The following BRAT1 variants were observed in gnomAD, a reference collection of about 807,000 sequenced individuals.
BRAT1 encodes the protein integrator complex assembly factor BRAT1.
Under a neutral mutation model 70.6 loss-of-function variants are expected in BRAT1, and 74 were observed. That is an observed-to-expected ratio of 1.05 (90% CI 0.87 to 1.27). BRAT1 has a LOEUF of 1.27. Ranked by LOEUF, BRAT1 falls within the 50% of genes most tolerant of loss-of-function variation. The probability of loss-of-function intolerance (pLI) is 0.00; values close to 1 mark genes in which losing one functional copy is unlikely to be tolerated. For synonymous variants in BRAT1, 615 were observed against 517.1 expected, an observed-to-expected ratio of 1.19 and a Z score of -2.57; for missense variants, 1,203 against 1,098.2, an observed-to-expected ratio of 1.10 and a Z score of -1.35.
chr7:2,543,758 G>A lies in BRAT1; in HGVS notation c.635C>T (p.Pro212Leu). 1 of 1,606,556 alleles carries A rather than the reference G, an allele frequency of 6.2e-7. No individual in the cohort carries two copies. The highest frequency in any genetic ancestry group is 8.5e-7 in the Non-Finnish European group (1 of 1,174,790). ...VEESLCSAAT[P>L]KVTQALNVLT... ...GACGTTCAGGGCCTGAGTGACCTTG[G>A]GGGTGGCCGCGGAGCACAAGGACTC... The change falls in exon 5 of 14, where the codon CCC (proline) becomes CTC (leucine). Residue 212 changes from proline (P) to leucine (L), a missense_variant. Coordinates refer to ENST00000340611, the MANE Select transcript of BRAT1 (RefSeq NM_152743.4). The surrounding 1 kb of genome is among the most constrained non-coding windows in gnomAD (Gnocchi z 5.5).
At position 2,545,005 on chromosome 7, in the gene BRAT1, C is replaced by T. The variant is rs1779493706; in HGVS notation, c.334G>A (p.Ala112Thr). Residue 112 changes from alanine to threonine, a missense_variant, in exon 4 of 14, where the codon GCA becomes ACA. Physicochemically the swap from Ala to Thr is moderately conservative, Grantham distance 58. Transcript: ENST00000340611. ...CGCACGGTGGGGACGGCCCAGGTTGCTCGGCCGAGGGGTCCTGGCTCCCCA... is the reference window on the plus strand; with the variant it reads ...CGCACGGTGGGGACGGCCCAGGTTGTTCGGCCGAGGGGTCCTGGCTCCCCA... ...LFGEPGPLGR[A>T]TWAVPTVRSG... The T allele has an allele frequency of 3.9e-6, 6 of 1,553,782 alleles. No homozygotes were observed. The highest frequency in any genetic ancestry group is 4.4e-6 in the Non-Finnish European group (5 of 1,148,424).
At chr7:2,550,827 G>A (rs780984058) in intron 2 of BRAT1, among the ~76,000 whole-genome samples, 1 of 152,154 alleles carries the variant, frequency 6.6e-6, no homozygotes, top group South Asian at 2.1e-4. Flanking sequence ...ACTAAGAACT[G>A]TTGAATTGGT....
Position 2,538,339 on chromosome 7 carries a change from G to C in BRAT1, c.2196C>G (p.Ser732=). The C allele has an allele frequency of 1.2e-6, 2 of 1,613,216 alleles. No individual in the cohort carries two copies. The highest frequency in any genetic ancestry group is 1.3e-5 in the African/African-American group (1 of 75,042). The change falls in exon 14 of 14, where the codon TCC becomes TCG. Residue 732 remains serine (S), a synonymous_variant. Coordinates refer to ENST00000340611, the MANE Select transcript of BRAT1 (RefSeq NM_152743.4). ...CCCTGGCCTCCCGCAGGCTGCTGTA[G>C]GAAGCAATCTTGTCCCTCAGGAAGA... is the stretch of plus-strand genomic sequence containing the variant. The part of the protein sequence containing the change: ...LLLFLRDKIA[S]YSSLREARGS...
rs767664883 is a variant in BRAT1, at chr7:2,538,655, G to A, written c.1880C>T (p.Ala627Val). ...TEWLRDGHAD[A>V]AQDTEQFVAT... ...CACGAACTGCTCCGTGTCCTGGGCC[G>A]CGTCGGCGTGGCCGTCCCGCAGCCA... The change falls in exon 14 of 14, where the codon GCG becomes GTG. Residue 627 changes from alanine (A) to valine (V), a missense_variant. Transcript: ENST00000340611. The A allele has an allele frequency of 3.1e-5, 49 of 1,598,184 alleles. No homozygotes were observed. The highest frequency in any genetic ancestry group is 6.7e-5 in the East Asian group (3 of 44,868).
At chr7:2,554,648 C>T (rs1312348534) in intron 1 of BRAT1, among the ~76,000 whole-genome samples, 1 of 152,192 alleles carries the variant, frequency 6.6e-6, no homozygotes, top group African/African-American at 2.4e-5. Context: ...GGGCCCTGAG[C>T]GCTGGTGGCG....
intron 13 of BRAT1, 106 bp downstream of exon 13, chr7:2,539,047 CACTGCTGCAGGCGCTGCCCACAGCAG>C: frequency 6.9e-7 from 1 of 1,453,842 alleles, no homozygotes; most frequent in Non-Finnish European, 9.1e-7. Flanking sequence ...CCTCGGCAGT[CACTGCTGCAGGCGCTGCCCACAGCAG>C]CAGCTGCTCC....
intron 2 of BRAT1, among the ~76,000 whole-genome samples, chr7:2,552,613 A>C (rs544091495): frequency 1.3e-5 from 2 of 152,264 alleles, no homozygotes; most frequent in South Asian, 4.1e-4. Context: ...AGAACACGGT[A>C]AACCAAAAAA....
chr7:2,546,410 C>A (rs116527133), intron 3 of BRAT1, among the ~76,000 whole-genome samples: 2 of 150,266 alleles, frequency 1.3e-5, no homozygotes. Context: ...CCAGCCTGGA[C>A]GACAGAGCAG....
At position 2,539,167 on chromosome 7, in the gene BRAT1, G is replaced by A. The variant is rs2128385821; in HGVS notation, c.1770+12C>T. 1.3e-6 allele frequency: 2 copies of A among 1,584,798 alleles called. No homozygotes were observed. The highest frequency in any genetic ancestry group is 1.3e-5 in the African/African-American group (1 of 74,402). On this transcript the variant is annotated intron_variant, in intron 13 of 13. Transcript: ENST00000340611. ...GCGGGAGTTGCTGGCTGAGGAACCTGCCACCTCCTACCTGCCGGGCCTCTG... is the reference window on the plus strand; with the variant it reads ...GCGGGAGTTGCTGGCTGAGGAACCTACCACCTCCTACCTGCCGGGCCTCTG...
At chr7:2,546,348 G>C (rs997670939) in intron 3 of BRAT1, among the ~76,000 whole-genome samples, 4 of 152,176 alleles carry the variant, frequency 2.6e-5, no homozygotes, top group African/African-American at 7.2e-5. Context: ...GCTGAATGGG[G>C]AGGGTCACTT....
At chr7:2,552,106 A>ATATATATATATATATATATATATATATT (rs1245262304) in intron 2 of BRAT1, among the ~76,000 whole-genome samples, 2 of 14,214 alleles carry the variant, frequency 1.4e-4, no homozygotes, top group Non-Finnish European at 2.7e-4. Flanking sequence ...ATATATATAT[A>ATATATATATATATATATATATATATATT]TTTTTTTTTT....
rs1016352801 is a variant in BRAT1, at chr7:2,542,199, C to T, written c.936G>A (p.Leu312=). The change falls in exon 7 of 14, where the codon CTG becomes CTA. Residue 312 remains leucine (L), a synonymous_variant. Transcript: ENST00000340611. ...GAAGGACCTGGAAGGCCTGGGTCCT[C>T]AGTGCCTGTGGACTGGAGACAAACG... ...ILKLEHCPQA[L]RTQAFQVLLQ... 3 of 1,562,714 alleles carry T rather than the reference C, an allele frequency of 1.9e-6. No homozygotes were observed. Among genetic ancestry groups the T allele is most frequent in the Non-Finnish European group, 2.6e-6 (3 of 1,153,386 alleles).
rs76646873 is a variant in BRAT1 at position 2,542,142 on chromosome 7, C to T, written c.993G>A (p.Thr331=). The T allele has an allele frequency of 2.5e-3, 3,889 of 1,565,760 alleles. 13 individuals are homozygous for T. Among genetic ancestry groups the T allele is most frequent in the African/African-American group, 0.015 (1,139 of 73,826 alleles). Reference sequence around the variant, plus strand: ...CACCTGGGGGTCCGGGGGCCTGAACCGTGGCCTTCAGGACACAGGCCAGGG... The same window carrying T: ...CACCTGGGGGTCCGGGGGCCTGAACTGTGGCCTTCAGGACACAGGCCAGGG... ...LQPLACVLKA[T]VQAPGPPGLL... is the part of the protein sequence containing the mutation. The change falls in exon 7 of 14, where the codon ACG becomes ACA. Residue 331 remains threonine, a synonymous_variant. Transcript: ENST00000340611.
At chr7:2,549,612 C>A (rs1486501784) in intron 2 of BRAT1, among the ~76,000 whole-genome samples, 1 of 151,778 alleles carries the variant, frequency 6.6e-6, no homozygotes, top group Non-Finnish European at 1.5e-5. Context: ...TTAAAAAATA[C>A]AAAAGAATTC....
chr7:2,545,123 T>C (rs1779505660), intron 3 of BRAT1, 67 bp from the exon 4 acceptor site: 1 of 1,428,672 alleles, frequency 7.0e-7, no homozygotes, highest in South Asian at 1.5e-5. Context: ...CCCAGCACTT[T>C]GGGAGGCCGA....
chr7:2,541,631 G>A, intron 8 of BRAT1, 87 bp downstream of exon 8: 1 of 1,473,938 alleles, frequency 6.8e-7, no homozygotes, highest in African/African-American at 1.4e-5. Flanking sequence ...TGCTGGGGCA[G>A]CAAGGGGTGG....
At chr7:2,540,748 C>T (rs547610245) in intron 10 of BRAT1, 1 of 435,756 alleles carries the variant, frequency 2.3e-6, no homozygotes, top group African/African-American at 2.0e-5. Context: ...ACCAGTGCCC[C>T]TGCTCCCCAC....
Position 2,538,077 on chromosome 7 carries a change from A to G in BRAT1, c.2458T>C (p.Cys820Arg). The G allele has an allele frequency of 6.4e-7, 1 of 1,565,218 alleles. No homozygotes were observed. The highest frequency in any genetic ancestry group is 8.7e-7 in the Non-Finnish European group (1 of 1,150,036). Residue 820 changes from cysteine to arginine, a missense_variant, in exon 14 of 14, where the codon TGC (cysteine) becomes CGC (arginine). Cys to Arg is a radical substitution (Grantham distance 180). Coordinates refer to ENST00000340611, the MANE Select transcript of BRAT1 (RefSeq NM_152743.4). ...GGFLQGDEAD[C>R]Y The stretch of plus-strand genomic sequence containing the variant: ...GCAGACTCTGGTTCTGCTCAGTAGC[A>G]GTCGGCCTCGTCCCCCTGCAGGAAG...
intron 6 of BRAT1, chr7:2,542,469 T>TGC: frequency 1.8e-6 from 1 of 541,720 alleles, no homozygotes; most frequent in Non-Finnish European, 3.3e-6. Flanking sequence ...GGCCTGGCCA[T>TGC]GCACCCAGAG....
Sources: allele counts gnomAD v4.1 joint callset (sites outside exome capture counted in the v4.1 genomes callset), GRCh38; gene constraint gnomAD v4.1.1; non-coding constraint Gnocchi (gnomAD v3.1); transcripts MANE v1.5; gene names NCBI Gene and HGNC (gene_info 2026-07-23, HGNC 2026-07-21).